Variants in CLASP1 observed in about 807,000 individuals in gnomAD.
The protein encoded by CLASP1 is cytoplasmic linker associated protein 1.
In CLASP1, 38 loss-of-function variants were observed where a neutral mutation model predicts 192.3. The observed-to-expected ratio is 0.20, with a 90% confidence interval of 0.15 to 0.26. The LOEUF (loss-of-function observed/expected upper bound fraction) is 0.26. Ranked by LOEUF, CLASP1 falls within the 10% of genes least tolerant of loss-of-function variation. The pLI is 1.00. For synonymous variants in CLASP1, 691 were observed against 712.8 expected (o/e 0.97, Z 0.49); for missense variants, 1,433 against 1,932.5 (o/e 0.74, Z 4.85).
chr2:121,411,030 C>G, intron 23 of CLASP1, 61 bp from the exon 25 acceptor site: 1 of 1,075,846 alleles, frequency 9.3e-7, no homozygotes, highest in East Asian at 2.6e-5. Context: ...CAATTCCTTG[C>G]AAGGACTACT....
chr2:121,402,304 T>C (rs1197044872), intron 26 of CLASP1, among the ~76,000 whole-genome samples: 1 of 152,230 alleles, frequency 6.6e-6, no homozygotes, highest in Admixed American at 6.5e-5. Context: ...AACATAATCA[T>C]CATGCTGTTG....
At chr2:121,409,085 A>G in intron 24 of CLASP1, 1 of 1,517,352 alleles carries the variant, frequency 6.6e-7, no homozygotes, top group Non-Finnish European at 9.0e-7. Flanking sequence ...GGGAAAAAGC[A>G]TAGAGAATTA....
chr2:121,598,124 T>G (rs868009000), intron 2 of CLASP1, among the ~76,000 whole-genome samples: 3 of 152,330 alleles, frequency 2.0e-5, no homozygotes, highest in Middle Eastern at 3.4e-3. Flanking sequence ...CCTTCCAGGA[T>G]TCCCATGGTC....
chr2:121,510,803 A>G (rs1191805700), intron 7 of CLASP1, among the ~76,000 whole-genome samples: 1 of 151,940 alleles, frequency 6.6e-6, no homozygotes, highest in Non-Finnish European at 1.5e-5. Flanking sequence ...GCCTCAAAAA[A>G]TAATAATAAT....
intron 8 of CLASP1, among the ~76,000 whole-genome samples, chr2:121,477,300 C>G (rs914274636): frequency 6.6e-5 from 10 of 152,114 alleles, no homozygotes; most frequent in African/African-American, 2.4e-4. Flanking sequence ...TTTTTAGAAG[C>G]TTTTATTACT....
At chr2:121,506,532 G>A (rs552286963) in intron 7 of CLASP1, among the ~76,000 whole-genome samples, 3 of 152,210 alleles carry the variant, frequency 2.0e-5, no homozygotes, top group East Asian at 1.9e-4. Context: ...AAATTGAGAT[G>A]TCCACAGCAA....
chr2:121,629,575 G>A (rs1452614492), intron 1 of CLASP1, among the ~76,000 whole-genome samples: 1 of 151,896 alleles, frequency 6.6e-6, no homozygotes, highest in Non-Finnish European at 1.5e-5. Context: ...TGGATCACCT[G>A]AGGTCAGGAA....
intron 1 of CLASP1, among the ~76,000 whole-genome samples, chr2:121,614,987 A>G (rs183989679): frequency 9.7e-4 from 148 of 152,360 alleles, no homozygotes; most frequent in African/African-American, 3.4e-3. Context: ...CCAAGTCAAA[A>G]CTATATAAAC....
intron 23 of CLASP1, among the ~76,000 whole-genome samples, chr2:121,415,861 G>C (rs968863301): frequency 6.6e-6 from 1 of 152,052 alleles, no homozygotes; most frequent in Non-Finnish European, 1.5e-5. Context: ...TATGAAATGT[G>C]CATCTCTATG....
chr2:121,483,222 C>T (rs762544430), intron 8 of CLASP1, among the ~76,000 whole-genome samples: 1 of 152,174 alleles, frequency 6.6e-6, no homozygotes, highest in Non-Finnish European at 1.5e-5. Flanking sequence ...CTGTGAATCA[C>T]CTCACTATTG....
intron 37 of CLASP1, among the ~76,000 whole-genome samples, chr2:121,357,941 A>T (rs2065717764): frequency 6.6e-6 from 1 of 152,000 alleles, no homozygotes; most frequent in Non-Finnish European, 1.5e-5. Flanking sequence ...TCCCTAAGGA[A>T]CTCTTCCTTG....
intron 39 of CLASP1, among the ~76,000 whole-genome samples, chr2:121,341,683 G>A (rs539789543): frequency 1.1e-4 from 16 of 152,306 alleles, no homozygotes; most frequent in African/African-American, 3.8e-4. Flanking sequence ...AGCTTCTGGA[G>A]ATAAGACTTC....
chr2:121,415,782 T>C (rs1341792624), intron 23 of CLASP1, among the ~76,000 whole-genome samples: 9 of 152,210 alleles, frequency 5.9e-5, no homozygotes, highest in Admixed American at 5.9e-4. Context: ...ATGTTAACGC[T>C]CTCACATTCA....
chr2:121,456,188 C>A (rs929317717), intron 14 of CLASP1, among the ~76,000 whole-genome samples: 1 of 151,864 alleles, frequency 6.6e-6, no homozygotes, highest in Non-Finnish European at 1.5e-5. Flanking sequence ...TAAGTCTTCA[C>A]AATTTTTACT....
intron 7 of CLASP1, among the ~76,000 whole-genome samples, chr2:121,512,714 G>A (rs930728446): frequency 1.3e-5 from 2 of 152,138 alleles, no homozygotes; most frequent in Admixed American, 6.5e-5. Context: ...TCTCAACTGC[G>A]AAATGGACAA....
chr2:121,617,098 C>T (rs966325824), intron 1 of CLASP1, among the ~76,000 whole-genome samples: 3 of 152,198 alleles, frequency 2.0e-5, no homozygotes, highest in Non-Finnish European at 4.4e-5. Flanking sequence ...AAGCTAAGCA[C>T]CAAGCAGCTC....
chr2:121,581,753 C>A (rs555168387), intron 2 of CLASP1, among the ~76,000 whole-genome samples: 2 of 152,146 alleles, frequency 1.3e-5, no homozygotes, highest in Non-Finnish European at 2.9e-5. Context: ...ATCAGGGTGG[C>A]GAATGCCTAT....
rs984536622 is a variant in CLASP1 at position 121,401,719 on chromosome 2, C to T, written c.2737-47G>A. On this transcript the variant is annotated intron_variant, in intron 27 of 39. Transcript: ENST00000263710. ...GTAGTTCACATATTGAATTCACGAT[C>T]TCCTCCAAAGTCTACAAAACATTAA... 2.0e-6 allele frequency: 3 copies of T among 1,514,116 alleles called. No individual in the cohort carries two copies. In the African/African-American group the frequency reaches 4.1e-5, roughly 21 times the overall value. 93.8% of individuals were successfully genotyped at this position (1,514,116 alleles called of 1,614,324 possible).
At chr2:121,515,678 A>G in exon 7 of CLASP1, 1 of 1,613,892 alleles carries the variant, frequency 6.2e-7, no homozygotes, top group South Asian at 1.1e-5. Flanking sequence ...GACTGTGGCA[A>G]TCCTTTTTTA....
Sources: allele counts gnomAD v4.1 joint callset (sites outside exome capture counted in the v4.1 genomes callset), GRCh38; gene constraint gnomAD v4.1.1; transcripts MANE v1.5; gene names NCBI Gene and HGNC (gene_info 2026-07-23, HGNC 2026-07-21).